PDE4D: variants seen among roughly 807,000 people sequenced by gnomAD.
The protein encoded by PDE4D is 3',5'-cyclic-AMP phosphodiesterase 4D.
PDE4D carries 24 observed loss-of-function variants against 87.4 expected under a neutral mutation model. The observed-to-expected ratio is 0.27, with a 90% CI of 0.20 to 0.39. PDE4D has a LOEUF of 0.39. Ranked by LOEUF, PDE4D falls within the 10% of genes least tolerant of loss-of-function variation. The pLI is 1.00. For missense variants in PDE4D, 714 were observed against 1,041.0 expected (o/e 0.69, Z 4.32); for synonymous variants, 384 against 383.2 (o/e 1.00, Z -0.02).
At chr5:60,315,046 C>T (rs1406478757) in intron 1 of PDE4D, among the ~76,000 whole-genome samples, 2 of 152,176 alleles carry the variant, frequency 1.3e-5, no homozygotes, top group Non-Finnish European at 2.9e-5. Context: ...TTCTAGATCC[C>T]TGAGGAATCA....
At chr5:59,201,979 A>C (rs66589198) in intron 2 of PDE4D, among the ~76,000 whole-genome samples, 15,812 of 150,150 alleles carry the variant, frequency 0.11, 1,043 homozygotes, top group African/African-American at 0.19. Flanking sequence ...TCAACGCCAA[A>C]CTCAGGCCAC....
intron 3 of PDE4D, among the ~76,000 whole-genome samples, chr5:59,960,284 G>C (rs760417620): frequency 3.3e-5 from 5 of 152,170 alleles, no homozygotes; most frequent in African/African-American, 7.2e-5. Context: ...GTGGAAAACA[G>C]TTTGGAGATT....
chr5:60,380,893 C>T (rs115981339), intron 1 of PDE4D, among the ~76,000 whole-genome samples: 100 of 152,284 alleles, frequency 6.6e-4, no homozygotes, highest in African/African-American at 2.3e-3. Flanking sequence ...TCTAACACCA[C>T]AGTATGTGCT....
At chr5:60,058,631 T>C (rs1488269151) in intron 2 of PDE4D, among the ~76,000 whole-genome samples, 1 of 151,940 alleles carries the variant, frequency 6.6e-6, no homozygotes, top group African/African-American at 2.4e-5. Context: ...TACATAAAGC[T>C]CTTTTATGGG....
intron 1 of PDE4D, among the ~76,000 whole-genome samples, chr5:59,771,846 G>T (rs1277736183): frequency 2.0e-5 from 3 of 152,188 alleles, no homozygotes; most frequent in Non-Finnish European, 4.4e-5. Flanking sequence ...TTTGGTGTAT[G>T]TTAAAGGATT....
intron 1 of PDE4D, among the ~76,000 whole-genome samples, chr5:59,621,977 C>A (rs938704745): frequency 6.6e-6 from 1 of 152,096 alleles, no homozygotes; most frequent in Non-Finnish European, 1.5e-5. Context: ...TTTATATTTT[C>A]ATATCTTTTA....
At chr5:59,120,833 A>G (rs910098622) in intron 5 of PDE4D, among the ~76,000 whole-genome samples, 14 of 152,242 alleles carry the variant, frequency 9.2e-5, no homozygotes, top group Non-Finnish European at 1.9e-4. Context: ...ACATAGACCA[A>G]TGGAATAATA....
At chr5:59,059,893 T>C (rs1340655528) in intron 5 of PDE4D, among the ~76,000 whole-genome samples, 2 of 152,184 alleles carry the variant, frequency 1.3e-5, no homozygotes, top group African/African-American at 2.4e-5. Flanking sequence ...TGTCCCCTAA[T>C]ATTGATGCTT....
chr5:60,343,530 A>T (rs1329167408), intron 1 of PDE4D, among the ~76,000 whole-genome samples: 2 of 152,208 alleles, frequency 1.3e-5, no homozygotes, highest in African/African-American at 4.8e-5. Context: ...TGCTTTAGGC[A>T]TAATACCTCT....
In PDE4D at chr5:59,549,892, G is replaced by T. The variant is rs142316634; in HGVS notation, c.456-333924C>A. 7.5e-3 allele frequency among the ~76,000 whole-genome samples: 1,136 copies of T among 151,506 alleles called. 14 individuals carry two copies. The highest frequency in any genetic ancestry group is 0.026 in the African/African-American group (1,085 of 41,258). Reference sequence around the variant, plus strand: ...CAATAAATAATAACAATTTTCTCAAGGTTATTAACCATCAATACTCATAGA... The same window carrying T: ...CAATAAATAATAACAATTTTCTCAATGTTATTAACCATCAATACTCATAGA... On this transcript the variant is annotated intron_variant, in intron 1 of 14. Coordinates refer to ENST00000340635, the MANE Select transcript of PDE4D (RefSeq NM_001104631.2).
intron 1 of PDE4D, among the ~76,000 whole-genome samples, chr5:59,283,364 T>C (rs1480636030): frequency 6.6e-6 from 1 of 152,184 alleles, no homozygotes; most frequent in African/African-American, 2.4e-5. Flanking sequence ...TTTTCCTGAC[T>C]TCTATTTTAC....
At chr5:59,110,838 C>T (rs1005335802) in intron 5 of PDE4D, among the ~76,000 whole-genome samples, 2 of 152,110 alleles carry the variant, frequency 1.3e-5, no homozygotes, top group African/African-American at 4.8e-5. Context: ...TGCCACTACA[C>T]CCCAGACTGG....
intron 1 of PDE4D, among the ~76,000 whole-genome samples, chr5:60,468,975 C>G (rs1747610219): frequency 6.6e-6 from 1 of 152,144 alleles, no homozygotes; most frequent in Non-Finnish European, 1.5e-5. Flanking sequence ...CCTGGATGAC[C>G]AAGACAATTG....
chr5:60,193,669 C>CAAAAAAAA (rs35340734), intron 1 of PDE4D, among the ~76,000 whole-genome samples: 17 of 46,850 alleles, frequency 3.6e-4, no homozygotes, highest in African/African-American at 1.1e-3. Flanking sequence ...GACTCCGTCT[C>CAAAAAAAA]AAAAAAAAAA....
chr5:59,328,150 C>T (rs1776046683), intron 1 of PDE4D, among the ~76,000 whole-genome samples: 1 of 152,080 alleles, frequency 6.6e-6, no homozygotes, highest in Admixed American at 6.6e-5. Flanking sequence ...TTTAAAAGCA[C>T]AGGGAGCAGT....
intron 1 of PDE4D, among the ~76,000 whole-genome samples, chr5:59,727,424 C>A (rs116793337): frequency 1.3e-5 from 2 of 152,084 alleles, no homozygotes; most frequent in African/African-American, 4.8e-5. Context: ...GCATTAAAAG[C>A]AAGCTTCCAG....
chr5:59,338,703 G>C (rs896560977), intron 1 of PDE4D, among the ~76,000 whole-genome samples: 10 of 152,160 alleles, frequency 6.6e-5, no homozygotes, highest in Admixed American at 4.6e-4. Context: ...GAACTCAAGA[G>C]CAAGTATGCA....
At chr5:60,270,887 A>G (rs1193002180) in intron 1 of PDE4D, among the ~76,000 whole-genome samples, 2 of 152,188 alleles carry the variant, frequency 1.3e-5, no homozygotes, top group South Asian at 2.1e-4. Context: ...TTCTTTCCAA[A>G]AACTTCAGAT....
chr5:59,124,649 T>C (rs1004844212), intron 5 of PDE4D, among the ~76,000 whole-genome samples: 2 of 152,216 alleles, frequency 1.3e-5, no homozygotes, highest in Non-Finnish European at 1.5e-5. Context: ...CCAACAAACA[T>C]AATGTTGCAT....
Sources: allele counts gnomAD v4.1 joint callset (sites outside exome capture counted in the v4.1 genomes callset), GRCh38; gene constraint gnomAD v4.1.1; transcripts MANE v1.5; gene names NCBI Gene and HGNC (gene_info 2026-07-23, HGNC 2026-07-21).